Variants in MDGA2 observed in about 807,000 individuals in gnomAD.
MDGA2 encodes MAM domain-containing glycosylphosphatidylinositol anchor protein 2.
Under a neutral mutation model 117.8 loss-of-function variants are expected in MDGA2, and 40 were observed. The observed-to-expected ratio is 0.34, with a 90% CI of 0.26 to 0.44. The LOEUF is 0.44. Ranked by LOEUF, MDGA2 falls within the 20% of genes least tolerant of loss-of-function variation. The pLI, the probability that MDGA2 is intolerant of heterozygous loss-of-function variation, is 1.00. For missense variants in MDGA2, 1,123 were observed against 1,250.6 expected, an observed-to-expected ratio of 0.90 and a Z score of 1.54; for synonymous variants, 452 against 439.0, an observed-to-expected ratio of 1.03 and a Z score of -0.37.
intron 2 of MDGA2, among the ~76,000 whole-genome samples, chr14:47,259,735 C>T (rs1887733580): frequency 6.6e-6 from 1 of 151,842 alleles, no homozygotes; most frequent in South Asian, 2.1e-4. Context: ...GGCTCAATGA[C>T]ACTGGTTGCT....
intron 4 of MDGA2, among the ~76,000 whole-genome samples, chr14:47,133,593 GC>G (rs2139160634): frequency 6.6e-6 from 1 of 151,856 alleles, no homozygotes; most frequent in East Asian, 1.9e-4. Flanking sequence ...CCAAGTCTAA[GC>G]CCCATTTCCA....
chr14:46,894,705 G>C (rs1374493322), intron 10 of MDGA2, among the ~76,000 whole-genome samples: 2 of 152,060 alleles, frequency 1.3e-5, no homozygotes, highest in Non-Finnish European at 2.9e-5. Context: ...GAAAGAATTT[G>C]TATGTATTAC....
chr14:47,012,291 T>C (rs1254196651), intron 8 of MDGA2, among the ~76,000 whole-genome samples: 1 of 152,126 alleles, frequency 6.6e-6, no homozygotes, highest in Non-Finnish European at 1.5e-5. Context: ...ATGATGCAAA[T>C]GGTAAATCAG....
At chr14:47,197,534 A>C (rs536761331) in intron 3 of MDGA2, among the ~76,000 whole-genome samples, 39 of 152,140 alleles carry the variant, frequency 2.6e-4, no homozygotes, top group Non-Finnish European at 5.0e-4. Flanking sequence ...ATTGTTTGGT[A>C]ACTTGATTGA....
At chr14:47,081,631 T>C (rs1049295045) in intron 6 of MDGA2, among the ~76,000 whole-genome samples, 1 of 152,160 alleles carries the variant, frequency 6.6e-6, no homozygotes, top group Non-Finnish European at 1.5e-5. Context: ...CTAAATAAAA[T>C]TGCTGTATTA....
intron 1 of MDGA2, among the ~76,000 whole-genome samples, chr14:47,336,230 C>A (rs1004122460): frequency 6.6e-6 from 1 of 151,730 alleles, no homozygotes; most frequent in Non-Finnish European, 1.5e-5. Flanking sequence ...TTTAACAACA[C>A]ACAAGTCATC....
At chr14:47,007,951 G>A (rs576155510) in intron 8 of MDGA2, among the ~76,000 whole-genome samples, 6 of 151,842 alleles carry the variant, frequency 4.0e-5, no homozygotes, top group South Asian at 4.2e-4. Flanking sequence ...AGAGTGTATC[G>A]TAATGATAAA....
intron 9 of MDGA2, among the ~76,000 whole-genome samples, chr14:46,942,355 A>T (rs975715770): frequency 2.0e-5 from 3 of 152,184 alleles, no homozygotes; most frequent in Non-Finnish European, 1.5e-5. Flanking sequence ...CCTATTCTGA[A>T]GCCTACCTTA....
chr14:47,265,983 T>C (rs140202723), intron 2 of MDGA2, among the ~76,000 whole-genome samples: 1 of 152,266 alleles, frequency 6.6e-6, no homozygotes, highest in East Asian at 1.9e-4. Flanking sequence ...TGCTATTGAT[T>C]GCAAACACTA....
At position 47,486,671 on chromosome 14, in the gene MDGA2, G is replaced by C. The variant is rs553048600; in HGVS notation, c.281-185121C>G. Among the ~76,000 whole-genome samples, 97 of 152,220 alleles carry C rather than the reference G, an allele frequency of 6.4e-4. 1 individual carries two copies. Among genetic ancestry groups the C allele is most frequent in the African/African-American group, 2.2e-3 (93 of 41,542 alleles). On this transcript the variant is annotated intron_variant, in intron 1 of 16. Coordinates refer to ENST00000399232, the MANE Select transcript of MDGA2 (RefSeq NM_001113498.3). ...GGTGGGAGACTGAATCATCGGGGCAGGTCTTTCCCATGCTGTTCTCATAAT... is the reference window on the plus strand; with the variant it reads ...GGTGGGAGACTGAATCATCGGGGCACGTCTTTCCCATGCTGTTCTCATAAT...
At chr14:47,547,441 T>C (rs1378259518) in intron 1 of MDGA2, among the ~76,000 whole-genome samples, 2 of 152,210 alleles carry the variant, frequency 1.3e-5, no homozygotes, top group Non-Finnish European at 2.9e-5. Context: ...TCCAACTTCC[T>C]CATCTTCCTG....
At position 46,855,242 on chromosome 14, in the gene MDGA2, A is replaced by G. The variant is rs1881224381; in HGVS notation, c.2753-88T>C. ...GACCAAACACTTGTAAACTTTTTAA[A>G]CTGAAATTTTACAGAACACTCTAGT... On this transcript the variant is annotated intron_variant, in intron 14 of 16. Transcript: ENST00000399232. The surrounding 1 kb of genome is among the most constrained non-coding windows in gnomAD (Gnocchi z 4.1). 28 of 1,153,050 alleles carry G rather than the reference A, an allele frequency of 2.4e-5. No homozygotes were observed. The highest frequency in any genetic ancestry group is 3.4e-5 in the Non-Finnish European group (28 of 816,154). 71.4% of individuals were successfully genotyped at this position (1,153,050 alleles called of 1,614,324 possible).
chr14:47,659,105 C>T (rs1897798433), intron 1 of MDGA2, among the ~76,000 whole-genome samples: 1 of 152,164 alleles, frequency 6.6e-6, no homozygotes, highest in Non-Finnish European at 1.5e-5. Flanking sequence ...TATTAATCCT[C>T]ATGACATGAA....
intron 1 of MDGA2, among the ~76,000 whole-genome samples, chr14:47,641,969 G>A (rs905331580): frequency 6.6e-6 from 1 of 152,172 alleles, no homozygotes; most frequent in Non-Finnish European, 1.5e-5. Flanking sequence ...ATGAAAATAA[G>A]CTAGAACCCA....
At chr14:47,384,297 T>C (rs1181767216) in intron 1 of MDGA2, among the ~76,000 whole-genome samples, 1 of 150,348 alleles carries the variant, frequency 6.7e-6, no homozygotes, top group Non-Finnish European at 1.5e-5. Context: ...CTGAGCCACA[T>C]GAGGGGATCT....
At chr14:47,204,090 A>G (rs974019121) in intron 3 of MDGA2, among the ~76,000 whole-genome samples, 2 of 152,004 alleles carry the variant, frequency 1.3e-5, no homozygotes, top group Non-Finnish European at 2.9e-5. Context: ...GGACTATACA[A>G]TCTTAATTGA....
At chr14:47,476,374 C>T (rs1049971956) in intron 1 of MDGA2, among the ~76,000 whole-genome samples, 1 of 151,790 alleles carries the variant, frequency 6.6e-6, no homozygotes, top group Non-Finnish European at 1.5e-5. Context: ...CACACGTAAA[C>T]AACTTAGGTT....
intron 3 of MDGA2, among the ~76,000 whole-genome samples, chr14:47,161,091 C>T (rs940006807): frequency 1.3e-5 from 2 of 151,824 alleles, no homozygotes; most frequent in African/African-American, 4.8e-5. Context: ...TTAAAATAAC[C>T]AGATTTGCAT....
At chr14:47,472,337 T>C (rs1428118124) in intron 1 of MDGA2, among the ~76,000 whole-genome samples, 1 of 152,178 alleles carries the variant, frequency 6.6e-6, no homozygotes, top group African/African-American at 2.4e-5. Flanking sequence ...TGGTCTGGCC[T>C]ACTGCACACC....
Sources: gnomAD v4.1 joint callset for allele counts (sites outside exome capture counted in the v4.1 genomes callset) on GRCh38, gnomAD v4.1.1 for gene constraint, Gnocchi (gnomAD v3.1) non-coding constraint, MANE v1.5 for transcripts, NCBI Gene and HGNC (gene_info 2026-07-23, HGNC 2026-07-21) for gene names.